DGKZ: variants seen among roughly 807,000 people sequenced by gnomAD.
DGKZ encodes the protein DAG kinase zeta.
DGKZ carries 45 observed loss-of-function variants against 142.5 expected under a neutral mutation model. That is an observed-to-expected ratio of 0.32 (90% CI 0.25 to 0.40). The LOEUF is 0.40. DGKZ is among the 10% of genes least tolerant of loss of function. The probability of loss-of-function intolerance (pLI) is 1.00; values close to 1 mark genes in which losing one functional copy is unlikely to be tolerated. For missense variants in DGKZ, 755 were observed against 1,306.5 expected (o/e 0.58, Z 6.51); for synonymous variants, 442 against 527.0 (o/e 0.84, Z 2.21).
At position 46,374,686 on chromosome 11, in the gene DGKZ, C is replaced by T. The variant is rs754390415; in HGVS notation, c.1524+20C>T. The T allele has an allele frequency of 1.5e-5, 19 of 1,230,490 alleles. No individual in the cohort carries two copies. Among genetic ancestry groups the T allele is most frequent in the East Asian group, 1.3e-4 (4 of 31,276 alleles). 76.2% of individuals were successfully genotyped at this position (1,230,490 alleles called of 1,614,324 possible). On this transcript the variant is annotated intron_variant, in intron 17 of 30. Transcript: ENST00000527911. ...GTGGTGGTGAGCGGGGCCAGGCTGC[C>T]GTGGGTGGGTGGGCCGGAAGGGAGG...
At chr11:46,375,828 C>G (rs200163016) in intron 20 of DGKZ, 23 bp from the exon 21 acceptor site, 2 of 1,549,774 alleles carry the variant, frequency 1.3e-6, no homozygotes, top group Admixed American at 2.0e-5. Flanking sequence ...GCTGAGCCCC[C>G]GCTTGCCGGC....
In DGKZ at chr11:46,372,603, TC is replaced by T; in HGVS notation, c.1011-11del. 12 of 1,613,754 alleles carry T rather than the reference TC, an allele frequency of 7.4e-6. No homozygotes were observed. Among genetic ancestry groups the T allele is most frequent in the Non-Finnish European group, 1.0e-5 (12 of 1,179,968 alleles). ...ACATCCCCTGACCCCACTGCCATCT[TC>T]CCATGAGCCCAGGCTGGAGATGTAC... On this transcript the variant is annotated splice_polypyrimidine_tract_variant and intron_variant, in intron 11 of 30. Coordinates refer to ENST00000527911, the Ensembl canonical transcript of DGKZ. This position sits in a 1 kb window ranked among gnomAD's most constrained non-coding sequence, Gnocchi z 5.9.
At chr11:46,374,091 G>C (rs1355518271) in intron 14 of DGKZ, 66 bp from the exon 15 acceptor site, 3 of 1,568,696 alleles carry the variant, frequency 1.9e-6, no homozygotes, top group Admixed American at 1.7e-5. Context: ...TCGGCCACAC[G>C]AGGCCCCTGG....
chr11:46,373,232 G>A, intron 14 of DGKZ, 131 bp downstream of exon 14: 1 of 985,022 alleles, frequency 1.0e-6, no homozygotes, highest in Non-Finnish European at 1.4e-6. Flanking sequence ...CTTGTACGAT[G>A]GGAATAATAG....
At chr11:46,371,637 G>A (rs368990941) in intron 8 of DGKZ, 34 bp downstream of exon 8, 30 of 1,613,498 alleles carry the variant, frequency 1.9e-5, no homozygotes, top group African/African-American at 1.7e-4. Context: ...TGCCCCGTAC[G>A]CACTTGGGGT....
intron 24 of DGKZ, 21 bp from the exon 25 acceptor site, chr11:46,377,052 C>T (rs781459489): frequency 3.7e-6 from 6 of 1,610,212 alleles, no homozygotes; most frequent in East Asian, 2.2e-5. Flanking sequence ...CCTGACCTCC[C>T]GCCCTGACCT....
At chr11:46,338,579 A>G (rs1940128122) in intron 1 of DGKZ, 1 of 149,894 alleles carries the variant, frequency 6.7e-6, no homozygotes. Flanking sequence ...TGTGGCCCCG[A>G]TCCAGTAGAT....
At chr11:46,346,772 T>C (rs532712449), upstream of DGKZ, among the ~76,000 whole-genome samples, 1 of 152,274 alleles carries the variant, frequency 6.6e-6, no homozygotes, top group Admixed American at 6.5e-5. Flanking sequence ...ATAGGTTCTG[T>C]TGAATACTAT....
At chr11:46,345,531 G>A, upstream of DGKZ, 1 of 1,525,086 alleles carries the variant, frequency 6.6e-7, no homozygotes, top group Non-Finnish European at 8.8e-7. The surrounding 1 kb of genome is among the most constrained non-coding windows in gnomAD (Gnocchi z 4.1). Flanking sequence ...AGGCAGATGT[G>A]GCGCTACCGC....
intron 1 of DGKZ, chr11:46,365,776 A>G: frequency 1.0e-6 from 1 of 985,450 alleles, no homozygotes. Flanking sequence ...ACAAAGGCCC[A>G]GCAAGTGGGA....
intron 1 of DGKZ, among the ~76,000 whole-genome samples, chr11:46,360,198 A>G (rs1942486846): frequency 6.6e-6 from 1 of 151,874 alleles, no homozygotes; most frequent in Non-Finnish European, 1.5e-5. Flanking sequence ...AAATGATGCC[A>G]CTCTTTTTGC....
At position 46,367,198 on chromosome 11, in the gene DGKZ, C is replaced by G. The variant is rs113213596; in HGVS notation, c.162-93C>G. 24 of 1,339,362 alleles carry G rather than the reference C, an allele frequency of 1.8e-5. No individual in the cohort carries two copies. Among genetic ancestry groups the G allele is most frequent in the African/African-American group, 1.6e-4 (11 of 69,012 alleles). 83.0% of individuals were successfully genotyped at this position (1,339,362 alleles called of 1,614,324 possible). A position where few individuals can be genotyped will look rare whatever the true frequency, so the allele number is the denominator to read the frequency against. ...GAGGCTCCTCCGCCCTCCCTGTTGC[C>G]GAGGTCACGGAAAGGGCAGAGGCCC... On this transcript the variant is annotated intron_variant, in intron 1 of 30. Coordinates refer to ENST00000527911, the Ensembl canonical transcript of DGKZ. The surrounding 1 kb of genome is among the most constrained non-coding windows in gnomAD (Gnocchi z 4.1).
chr11:46,333,432 C>T (rs1481997510), exon 1 of DGKZ: 1 of 1,527,554 alleles, frequency 6.5e-7, no homozygotes, highest in Non-Finnish European at 8.8e-7. Context: ...GGCCGCTGGG[C>T]CCCCGGTGGA....
exon 31 of DGKZ, chr11:46,380,276 G>C (rs1442954432): frequency 9.7e-6 from 2 of 206,940 alleles, no homozygotes; most frequent in Admixed American, 5.5e-5. Flanking sequence ...GGGCTGGAGA[G>C]GGGGAGGCCT....
chr11:46,362,805 AGCAGCCACTGCAGCTCGGCCACCT>A (rs1429512812), intron 1 of DGKZ, among the ~76,000 whole-genome samples: 2 of 152,158 alleles, frequency 1.3e-5, no homozygotes, highest in East Asian at 1.9e-4. Flanking sequence ...CTGCCCCGAT[AGCAGCCACTGCAGCTCGGCCACCT>A]GCAGCCACAG....
exon 8 of DGKZ, chr11:46,371,580 A>G (rs764981694): frequency 7.5e-6 from 12 of 1,610,560 alleles, no homozygotes; most frequent in Non-Finnish European, 1.0e-5. Context: ...GCCCACCTGG[A>G]TCCTCCGCGC....
At chr11:46,379,501 T>A (rs1944970361) in exon 30 of DGKZ, 2 of 1,611,438 alleles carry the variant, frequency 1.2e-6, no homozygotes, top group Non-Finnish European at 1.7e-6. Context: ...GCAGCGGCCC[T>A]GGGCCAGCGC....
In DGKZ at chr11:46,374,599, C is replaced by T. The variant is rs1274308322; in HGVS notation, c.1462-5C>T. 9 of 1,583,602 alleles carry T rather than the reference C, an allele frequency of 5.7e-6. No homozygotes were observed. The South Asian group carries it at 9.2e-5, about 16-fold the overall frequency. ...GCAGATGGTGACGCCCTCTGTCTCC[C>T]ACAGACAGCTTTCTCTGACTTCCTG... On this transcript the variant is annotated splice_region_variant and splice_polypyrimidine_tract_variant and intron_variant, in intron 16 of 30. Coordinates refer to ENST00000527911, the Ensembl canonical transcript of DGKZ.
At position 46,378,186 on chromosome 11, in the gene DGKZ, G is replaced by T. The variant is rs1275713649; in HGVS notation, c.2343-12G>T. On this transcript the variant is annotated splice_polypyrimidine_tract_variant and intron_variant, in intron 25 of 30. Transcript: ENST00000527911. ...GCCGTAGCCGGTCACAGCACATCAT[G>T]CTCTGTTGCAGGTCACTGCAAGGGG... is the stretch of plus-strand genomic sequence containing the variant. The T allele has an allele frequency of 6.2e-7, 1 of 1,608,794 alleles. No individual in the cohort carries two copies. Among genetic ancestry groups the T allele is most frequent in the Admixed American group, 1.7e-5 (1 of 59,500 alleles).
Sources: gnomAD v4.1 joint callset for allele counts (sites outside exome capture counted in the v4.1 genomes callset) on GRCh38, gnomAD v4.1.1 for gene constraint, Gnocchi (gnomAD v3.1) non-coding constraint, MANE v1.5 for transcripts, NCBI Gene and HGNC (gene_info 2026-07-23, HGNC 2026-07-21) for gene names.